Variants in DPP6 observed in about 807,000 individuals in gnomAD.
DPP6 encodes the protein A-type potassium channel modulatory protein DPP6.
Under a neutral mutation model 122.6 loss-of-function variants are expected in DPP6, and 69 were observed. That is an observed-to-expected ratio of 0.56 (90% CI 0.46 to 0.69). The LOEUF (loss-of-function observed/expected upper bound fraction) is 0.69. Ranked by LOEUF, DPP6 falls within the 30% of genes least tolerant of loss-of-function variation. DPP6 has a pLI of 0.00. For missense variants in DPP6, 928 were observed against 1,116.9 expected (o/e 0.83, Z 2.41); for synonymous variants, 418 against 433.1 (o/e 0.97, Z 0.43).
chr7:153,951,082 G>A (rs1802188527), intron 1 of DPP6, among the ~76,000 whole-genome samples: 1 of 149,720 alleles, frequency 6.7e-6, no homozygotes, highest in Admixed American at 6.7e-5. Flanking sequence ...TTTCAAGTAA[G>A]AGGGAAGAAA....
intron 5 of DPP6, among the ~76,000 whole-genome samples, chr7:154,630,764 TCA>T (rs1190260878): frequency 1.3e-5 from 2 of 151,904 alleles, no homozygotes; most frequent in African/African-American, 4.8e-5. Flanking sequence ...GAGGGGAACA[TCA>T]CACACTGGGG....
chr7:154,592,619 AGGACGGCAG>A (rs143095988), intron 5 of DPP6, among the ~76,000 whole-genome samples: 22,014 of 151,936 alleles, frequency 0.14, 2,060 homozygotes, highest in African/African-American at 0.26. Context: ...TGTCTGGGGG[AGGACGGCAG>A]GGACGGCAGG....
chr7:154,461,657 G>T lies in DPP6; in HGVS notation c.359-13282G>T, dbSNP rs551580657. Among the ~76,000 whole-genome samples the T allele has an allele frequency of 4.6e-5, 7 of 152,160 alleles. No homozygotes were observed. In the South Asian group the frequency reaches 1.4e-3, roughly 32 times the overall value. On this transcript the variant is annotated intron_variant, in intron 2 of 25. Transcript: ENST00000377770. ...CTTTTCATATACCTGTTTACCATTTGTATGTCTTCTTTTGAGAAATGTCTA... is the reference window on the plus strand; with the variant it reads ...CTTTTCATATACCTGTTTACCATTTTTATGTCTTCTTTTGAGAAATGTCTA...
intron 1 of DPP6, among the ~76,000 whole-genome samples, chr7:154,426,408 T>C (rs141842586): frequency 6.6e-6 from 1 of 152,264 alleles, no homozygotes; most frequent in Non-Finnish European, 1.5e-5. Context: ...ATACAAATAA[T>C]CATGTGGGAA....
chr7:154,470,939 A>G (rs1243523824), intron 2 of DPP6, among the ~76,000 whole-genome samples: 1 of 152,202 alleles, frequency 6.6e-6, no homozygotes, highest in African/African-American at 2.4e-5. Context: ...TGGAAGTGAC[A>G]GCAAAATAAA....
chr7:154,651,615 A>G (rs1311896756), intron 6 of DPP6, among the ~76,000 whole-genome samples: 2 of 152,140 alleles, frequency 1.3e-5, no homozygotes, highest in African/African-American at 4.8e-5. Context: ...CCAAATTAGC[A>G]TGGCTGAGGA....
chr7:153,995,206 T>C (rs1164238734), intron 1 of DPP6, among the ~76,000 whole-genome samples: 7 of 152,132 alleles, frequency 4.6e-5, no homozygotes, highest in Non-Finnish European at 8.8e-5. Context: ...CTATTCACAG[T>C]AGCCACTGAT....
chr7:154,786,455 G>A (rs1055019799), intron 10 of DPP6, among the ~76,000 whole-genome samples: 5 of 152,106 alleles, frequency 3.3e-5, no homozygotes, highest in African/African-American at 1.2e-4. Flanking sequence ...GAATCATGGG[G>A]GCAGTTACTC....
chr7:154,808,446 C>T (rs1798836316), intron 16 of DPP6, among the ~76,000 whole-genome samples: 1 of 152,112 alleles, frequency 6.6e-6, no homozygotes, highest in African/African-American at 2.4e-5. Context: ...TTAATGGTAC[C>T]AAATTCCTCT....
intron 1 of DPP6, among the ~76,000 whole-genome samples, chr7:154,063,841 A>G (rs374623190): frequency 6.6e-6 from 1 of 151,338 alleles, no homozygotes; most frequent in Non-Finnish European, 1.5e-5. Flanking sequence ...CGGCAAGTGC[A>G]TGATAGTCTG....
At chr7:154,015,943 T>C (rs35763829) in intron 1 of DPP6, among the ~76,000 whole-genome samples, 16,251 of 152,202 alleles carry the variant, frequency 0.11, 975 homozygotes, top group East Asian at 0.19. Flanking sequence ...TACTGACCTC[T>C]AATGGTGTGC....
At chr7:154,397,230 TC>T (rs1463621831) in intron 1 of DPP6, among the ~76,000 whole-genome samples, 1 of 151,620 alleles carries the variant, frequency 6.6e-6, no homozygotes, top group Non-Finnish European at 1.5e-5. Context: ...ATGTTTTTTT[TC>T]ATGAGCATTA....
At position 154,801,383 on chromosome 7, in the gene DPP6, G is replaced by T. The variant is rs1164300824; in HGVS notation, c.1328G>T (p.Gly443Val). 1 of 1,594,884 alleles carries T rather than the reference G, an allele frequency of 6.3e-7. No homozygotes were observed. Among genetic ancestry groups the T allele is most frequent in the Non-Finnish European group, 8.5e-7 (1 of 1,169,844 alleles). Residue 443 changes from glycine (G) to valine (V), a missense_variant, in exon 13 of 26, where the codon GGC (glycine) becomes GTC (valine). By Grantham distance (109) the Gly-to-Val change is moderately radical. Transcript: ENST00000377770. ...QNEEPVFSKD[G>V]RKFFFIRAIP... is the part of the protein sequence containing the mutation. ...GAAGAACCTGTGTTCTCCAAGGATG[G>T]CCGAAAGTTTTTCTTCATCAGAGCC...
At chr7:154,789,482 T>C (rs1422349399) in intron 10 of DPP6, among the ~76,000 whole-genome samples, 1 of 152,232 alleles carries the variant, frequency 6.6e-6, no homozygotes, top group African/African-American at 2.4e-5. Context: ...GGCAAGACCT[T>C]GTCTGGTTTC....
intron 1 of DPP6, among the ~76,000 whole-genome samples, chr7:154,112,020 C>T (rs899922763): frequency 6.6e-6 from 1 of 152,100 alleles, no homozygotes; most frequent in African/African-American, 2.4e-5. Flanking sequence ...TTCCAATTTG[C>T]CCTCCTTTAC....
intron 1 of DPP6, chr7:154,026,493 G>A (rs1395373074): frequency 1.4e-4 from 21 of 152,210 alleles, no homozygotes; most frequent in Admixed American, 1.4e-3. Flanking sequence ...ACCTAGAGAA[G>A]TTAAGGGCTT....
At chr7:154,620,440 ATG>A (rs1484203755) in intron 5 of DPP6, among the ~76,000 whole-genome samples, 1 of 152,206 alleles carries the variant, frequency 6.6e-6, no homozygotes, top group African/African-American at 2.4e-5. Flanking sequence ...GATTTCTCAA[ATG>A]TTTTTGGAAC....
intron 1 of DPP6, among the ~76,000 whole-genome samples, chr7:154,014,023 G>C (rs77354919): frequency 4.6e-5 from 7 of 152,034 alleles, no homozygotes; most frequent in Non-Finnish European, 1.0e-4. Context: ...GCCCAGGATT[G>C]CCCTGGCCAG....
chr7:153,887,644 T>C, exon 1 of DPP6: 4 of 1,612,280 alleles, frequency 2.5e-6, no homozygotes, highest in Non-Finnish European at 3.4e-6. Context: ...ATTAAGTTTC[T>C]CTTCCCTGGA....
Sources: allele counts gnomAD v4.1 joint callset (sites outside exome capture counted in the v4.1 genomes callset), GRCh38; gene constraint gnomAD v4.1.1; transcripts MANE v1.5; gene names NCBI Gene and HGNC (gene_info 2026-07-23, HGNC 2026-07-21).